Variants in CDHR3 observed in about 807,000 individuals in gnomAD.
CDHR3 encodes the protein cadherin-related family member 3.
CDHR3 carries 79 observed loss-of-function variants against 86.6 expected under a neutral mutation model. The observed-to-expected ratio is 0.91, with a 90% CI of 0.76 to 1.10. The LOEUF (loss-of-function observed/expected upper bound fraction) is 1.10. CDHR3 is among the 50% of genes least tolerant of loss of function. The probability of loss-of-function intolerance (pLI) is 0.00; values close to 1 mark genes in which losing one functional copy is unlikely to be tolerated. For synonymous variants in CDHR3, 421 were observed against 402.4 expected (o/e 1.05, Z -0.55); for missense variants, 1,081 against 1,077.6 (o/e 1.00, Z -0.04).
At chr7:105,975,585 T>G (rs1012809444) in intron 2 of CDHR3, among the ~76,000 whole-genome samples, 1 of 152,244 alleles carries the variant, frequency 6.6e-6, no homozygotes, top group Non-Finnish European at 1.5e-5. Context: ...CCATTGACAT[T>G]CAAGAGGCAT....
At chr7:105,984,916 G>A (rs1830296220) in intron 4 of CDHR3, among the ~76,000 whole-genome samples, 1 of 152,102 alleles carries the variant, frequency 6.6e-6, no homozygotes, top group Admixed American at 6.5e-5. Context: ...AAAATTAGCT[G>A]GGCATGATGG....
At chr7:106,026,397 T>C (rs1563307637) in intron 15 of CDHR3, among the ~76,000 whole-genome samples, 1 of 152,126 alleles carries the variant, frequency 6.6e-6, no homozygotes, top group Non-Finnish European at 1.5e-5. Flanking sequence ...CCTCACCAGG[T>C]TTTCTCATCA....
intron 1 of CDHR3, among the ~76,000 whole-genome samples, chr7:105,970,344 G>C (rs1421022749): frequency 6.6e-6 from 1 of 152,214 alleles, no homozygotes; most frequent in Non-Finnish European, 1.5e-5. Flanking sequence ...ATTCAAGGGA[G>C]ACAAGTGAGC....
At chr7:106,019,088 G>T (rs545775264) in intron 12 of CDHR3, among the ~76,000 whole-genome samples, 1 of 152,278 alleles carries the variant, frequency 6.6e-6, no homozygotes, top group East Asian at 1.9e-4. Context: ...AAGCGTGAAG[G>T]CAAAATGAAC....
In CDHR3 at chr7:106,024,658, T is replaced by C. The variant is rs1837088469; in HGVS notation, c.2258+96T>C. On this transcript the variant is annotated intron_variant, in intron 15 of 18. Coordinates refer to ENST00000317716, the MANE Select transcript of CDHR3 (RefSeq NM_152750.5). ...AGGAAAAATGGAGAATCAGGATTTC[T>C]CTACAAGGCAGGTTGCCTGGAGTGA... is the stretch of plus-strand genomic sequence containing the variant. The C allele has an allele frequency of 1.1e-5, 14 of 1,310,548 alleles. No homozygotes were observed. The South Asian group carries it at 1.6e-4, about 15-fold the overall frequency. 81.2% of individuals were successfully genotyped at this position (1,310,548 alleles called of 1,614,324 possible). A position where few individuals can be genotyped will look rare whatever the true frequency, so the allele number is the denominator to read the frequency against.
In CDHR3 at chr7:105,981,014, A is replaced by G. The variant is rs1370748346; in HGVS notation, c.296A>G (p.Asn99Ser). The G allele has an allele frequency of 6.2e-7, 1 of 1,611,264 alleles. No individual in the cohort carries two copies. Among genetic ancestry groups the G allele is most frequent in the African/African-American group, 1.3e-5 (1 of 74,912 alleles). Reference protein sequence around the residue: ...MEQLDFETGPNIFDLQIYVKD... With the variant: ...MEQLDFETGPSIFDLQIYVKD... The stretch of plus-strand genomic sequence containing the variant: ...CAACTAGATTTTGAAACAGGACCAA[A>G]CATATTTGATTTGCAGATTTATGTG... Residue 99 changes from asparagine to serine, a missense_variant, in exon 3 of 19, where the codon AAC becomes AGC. Transcript: ENST00000317716.
intron 8 of CDHR3, among the ~76,000 whole-genome samples, chr7:106,011,123 A>C (rs1834737103): frequency 1.3e-5 from 2 of 152,248 alleles, no homozygotes; most frequent in African/African-American, 4.8e-5. Context: ...TTTTTGTAAG[A>C]AATTCTACCA....
chr7:106,017,829 G>C lies in CDHR3; in HGVS notation c.1427-17G>C, dbSNP rs778887203. On this transcript the variant is annotated splice_polypyrimidine_tract_variant and intron_variant, in intron 11 of 18. Coordinates refer to ENST00000317716, the MANE Select transcript of CDHR3 (RefSeq NM_152750.5). ...CCCTTAAAAGCAGGACTTATTGCAG[G>C]TACTTTATTCCTCCAGCCAGAACCC... 3 of 1,547,854 alleles carry C rather than the reference G, an allele frequency of 1.9e-6. No homozygotes were observed. Among genetic ancestry groups the C allele is most frequent in the African/African-American group, 1.4e-5 (1 of 72,868 alleles).
In CDHR3 at chr7:106,020,498, C is replaced by T. The variant is rs751515665; in HGVS notation, c.1779C>T (p.Thr593=). The change falls in exon 13 of 19, where the codon ACC becomes ACT. Residue 593 remains threonine (T), a synonymous_variant. Transcript: ENST00000317716. ...TTCAGAATTTCAAGCTGACATGTAC[C>T]GACCTTGATTCCAGCCCCAGATCTT... ...TNIQNFKLTC[T]DLDSSPRSFR... is the part of the protein sequence containing the mutation. 16 of 1,613,836 alleles carry T rather than the reference C, an allele frequency of 9.9e-6. No individual in the cohort carries two copies. Among genetic ancestry groups the T allele is most frequent in the East Asian group, 2.2e-5 (1 of 44,892 alleles).
intron 13 of CDHR3, among the ~76,000 whole-genome samples, chr7:106,021,546 T>C (rs1255199579): frequency 6.6e-6 from 1 of 152,244 alleles, no homozygotes; most frequent in Non-Finnish European, 1.5e-5. Flanking sequence ...TGAGCGGGCA[T>C]GTGCTTGGGC....
chr7:105,993,447 A>C (rs1585639178), intron 4 of CDHR3, among the ~76,000 whole-genome samples: 1 of 152,068 alleles, frequency 6.6e-6, no homozygotes, highest in African/African-American at 2.4e-5. Flanking sequence ...AGGCAGGTGG[A>C]TCACTTGAGC....
chr7:105,969,379 G>A (rs1446388917), intron 1 of CDHR3, among the ~76,000 whole-genome samples: 3 of 120,108 alleles, frequency 2.5e-5, no homozygotes, highest in African/African-American at 9.5e-5. Context: ...CAGCCTGGGC[G>A]ACAGCGAGAC....
chr7:105,979,396 T>A (rs1829307531), intron 2 of CDHR3, among the ~76,000 whole-genome samples: 1 of 152,132 alleles, frequency 6.6e-6, no homozygotes, highest in African/African-American at 2.4e-5. Context: ...CAATCTTCCA[T>A]ACCCTCTCCT....
In CDHR3 at chr7:106,018,007, G is replaced by T. The variant is rs1031048717; in HGVS notation, c.1588G>T (p.Glu530Ter). 6.2e-7 allele frequency: 1 copy of T among 1,613,906 alleles called. No individual in the cohort carries two copies. Among genetic ancestry groups the T allele is most frequent in the African/African-American group, 1.3e-5 (1 of 75,002 alleles). Reference protein sequence around the residue: ...ELQLVTKVDCETTPIYILRIQ... With the variant: ...ELQLVTKVDC Reference sequence around the variant, plus strand: ...CCAGCTGGTAACTAAAGTGGACTGTGAAACAACCCCCATCTATATTCTCAG... The same window carrying T: ...CCAGCTGGTAACTAAAGTGGACTGTTAAACAACCCCCATCTATATTCTCAG... The change falls in exon 12 of 19, where the codon GAA (glutamate) becomes TAA (stop). Residue 530 changes from glutamate (E) to a stop codon, truncating the protein, a stop_gained. Transcript: ENST00000317716. LOFTEE classifies it high-confidence loss of function.
Position 106,022,236 on chromosome 7 carries a change from G to T in CDHR3, c.1864G>T (p.Gly622Cys). 6.2e-7 allele frequency: 1 copy of T among 1,613,948 alleles called. No homozygotes were observed. Among genetic ancestry groups the T allele is most frequent in the East Asian group, 2.2e-5 (1 of 44,884 alleles). ...TCATTTCACCTTCTCTCCCAATGCT[G>T]GTTCCAATGTCACACGCCTGCTGCT... ...NNHFTFSPNA[G>C]SNVTRLLLTS... Residue 622 changes from glycine to cysteine, a missense_variant, in exon 14 of 19, where the codon GGT (glycine) becomes TGT (cysteine). By Grantham distance (159) the Gly-to-Cys change is radical. Coordinates refer to ENST00000317716, the MANE Select transcript of CDHR3 (RefSeq NM_152750.5).
intron 4 of CDHR3, among the ~76,000 whole-genome samples, chr7:105,989,224 A>ACCCG (rs1830989821): frequency 8.8e-6 from 1 of 113,984 alleles, no homozygotes; most frequent in Non-Finnish European, 1.8e-5. Context: ...CCACCCCCCC[A>ACCCG]CCTCTTCTCC....
intron 9 of CDHR3, 34 bp from the exon 10 acceptor site, chr7:106,015,077 A>G (rs751399499): frequency 1.0e-5 from 15 of 1,506,352 alleles, no homozygotes; most frequent in Admixed American, 9.5e-5. Flanking sequence ...GGATTGTTTA[A>G]TCTGTATAAT....
Position 105,974,974 on chromosome 7 carries a change from T to A in CDHR3, c.177T>A (p.Phe59Leu). The A allele has an allele frequency of 1.2e-6, 2 of 1,613,984 alleles. No homozygotes were observed. Among genetic ancestry groups the A allele is most frequent in the South Asian group, 2.2e-5 (2 of 91,082 alleles). ...SASLSPVIPG[F>L]PQIVNSNPLT... ...CATTGTCACCTGTGATCCCAGGATT[T>A]CCCCAGATAGTCAACTCAAATCCCC... Residue 59 changes from phenylalanine (F) to leucine (L), a missense_variant, in exon 2 of 19, where the codon TTT becomes TTA. Physicochemically the swap from Phe to Leu is conservative, Grantham distance 22. Transcript: ENST00000317716.
chr7:106,010,052 C>G (rs1476489012), intron 8 of CDHR3, among the ~76,000 whole-genome samples: 1 of 152,148 alleles, frequency 6.6e-6, no homozygotes, highest in African/African-American at 2.4e-5. Flanking sequence ...CCAAGCAGCC[C>G]TGGAGGGCCA....
Sources: gnomAD v4.1 joint callset for allele counts (sites outside exome capture counted in the v4.1 genomes callset) on GRCh38, gnomAD v4.1.1 for gene constraint, MANE v1.5 for transcripts, NCBI Gene and HGNC (gene_info 2026-07-23, HGNC 2026-07-21) for gene names.